PTCRA: variants seen among roughly 807,000 people sequenced by gnomAD.
PTCRA encodes the protein pre T-cell antigen receptor alpha.
In PTCRA, 9 loss-of-function variants were observed where a neutral mutation model predicts 13.4. The ratio of observed to expected loss-of-function variants is 0.67; its 90% confidence interval spans 0.41 to 1.18. PTCRA has a LOEUF of 1.18. PTCRA is among the 50% of genes most tolerant of loss of function. The probability of loss-of-function intolerance (pLI) is 0.01; values close to 1 mark genes in which losing one functional copy is unlikely to be tolerated. For synonymous variants in PTCRA, 153 were observed against 161.9 expected (o/e 0.94, Z 0.42); for missense variants, 353 against 359.8 (o/e 0.98, Z 0.15).
intron 1 of PTCRA, among the ~76,000 whole-genome samples, chr6:42,921,708 G>A (rs190690429): frequency 8.7e-5 from 12 of 138,654 alleles, no homozygotes; most frequent in African/African-American, 3.2e-4. Context: ...GAGCCACCGT[G>A]CCCGGCCAAC....
chr6:42,924,280 A>G lies in PTCRA; in HGVS notation c.424+7A>G, dbSNP rs760267885. 2 of 1,611,720 alleles carry G rather than the reference A, an allele frequency of 1.2e-6. No individual in the cohort carries two copies. Among genetic ancestry groups the G allele is most frequent in the South Asian group, 2.2e-5 (2 of 90,940 alleles). The stretch of plus-strand genomic sequence containing the variant: ...CCCCAGGAGCCTCTCAGGGGTGAGT[A>G]CTCCGGGCAAGGGGTGGGGAATAAG... On this transcript the variant is annotated splice_region_variant and intron_variant, in intron 3 of 3. Transcript: ENST00000304672.
intron 2 of PTCRA, among the ~76,000 whole-genome samples, chr6:42,924,000 C>G (rs1767310635): frequency 6.6e-6 from 1 of 152,192 alleles, no homozygotes; most frequent in East Asian, 1.9e-4. Flanking sequence ...TCCGGGCTCC[C>G]CAGCCTCCCC....
intron 1 of PTCRA, among the ~76,000 whole-genome samples, chr6:42,919,541 C>G (rs1341932975): frequency 6.6e-6 from 1 of 150,920 alleles, no homozygotes; most frequent in Non-Finnish European, 1.5e-5. Flanking sequence ...TAGTGAAACC[C>G]TATTTCTACA....
chr6:42,923,482 C>T (rs1027066511), intron 2 of PTCRA, 135 bp downstream of exon 2: 6 of 820,702 alleles, frequency 7.3e-6, no homozygotes, highest in Non-Finnish European at 1.1e-5. Context: ...GGTGAGGTGA[C>T]ACCTGGGCTC....
chr6:42,922,762 G>A (rs1767247630), intron 1 of PTCRA, among the ~76,000 whole-genome samples: 1 of 150,920 alleles, frequency 6.6e-6, no homozygotes, highest in South Asian at 2.1e-4. Context: ...AAGAAAGAAA[G>A]AATACATGGA....
At chr6:42,924,828 G>A (rs1053528728) in intron 3 of PTCRA, among the ~76,000 whole-genome samples, 3 of 151,970 alleles carry the variant, frequency 2.0e-5, no homozygotes, top group Non-Finnish European at 2.9e-5. Context: ...AAAATTAGCC[G>A]AGCGTGATGG....
At chr6:42,917,209 T>C (rs1766912042) in intron 1 of PTCRA, among the ~76,000 whole-genome samples, 1 of 134,038 alleles carries the variant, frequency 7.5e-6, no homozygotes, top group African/African-American at 3.5e-5. Context: ...TTATTATTAT[T>C]ATTATTATTA....
At chr6:42,924,102 C>T in intron 2 of PTCRA, 127 bp from the exon 3 acceptor site, 2 of 744,740 alleles carry the variant, frequency 2.7e-6, no homozygotes, top group South Asian at 1.8e-5. Flanking sequence ...GCTGCTGGCT[C>T]ACTTGTCCAT....
intron 1 of PTCRA, among the ~76,000 whole-genome samples, chr6:42,921,931 A>C (rs1449406420): frequency 2.0e-5 from 3 of 151,788 alleles, no homozygotes; most frequent in Non-Finnish European, 4.4e-5. Flanking sequence ...AGGCTGAGGC[A>C]GAAGAATGGC....
rs200220881 is a variant in PTCRA, at chr6:42,924,285, G to A, written c.424+12G>A. ...GGAGCCTCTCAGGGGTGAGTACTCC[G>A]GGCAAGGGGTGGGGAATAAGAGGCT... On this transcript the variant is annotated intron_variant, in intron 3 of 3. Coordinates refer to ENST00000304672, the MANE Select transcript of PTCRA (RefSeq NM_138296.3). 7.9e-5 allele frequency: 128 copies of A among 1,611,620 alleles called. No homozygotes were observed. The highest frequency in any genetic ancestry group is 9.7e-5 in the Non-Finnish European group (114 of 1,178,894).
rs188323810 is a variant in PTCRA at position 42,918,856 on chromosome 6, C to G, written c.58+2729C>G. Among the ~76,000 whole-genome samples, 3 of 146,606 alleles carry G rather than the reference C, an allele frequency of 2.0e-5. No homozygotes were observed. The East Asian group carries it at 6.0e-4, about 30-fold the overall frequency. ...CCAGGCTGGAGTGCAGTGGTGCAAT[C>G]TTGGCTCACTGTAAGCTCCGCCTCC... On this transcript the variant is annotated intron_variant, in intron 1 of 3. Coordinates refer to ENST00000304672, the MANE Select transcript of PTCRA (RefSeq NM_138296.3).
At chr6:42,922,583 A>G (rs1767234342) in intron 1 of PTCRA, among the ~76,000 whole-genome samples, 1 of 151,944 alleles carries the variant, frequency 6.6e-6, no homozygotes, top group African/African-American at 2.4e-5. Flanking sequence ...TAAAAATAAA[A>G]ATAAAAATTA....
rs746665812 is a variant in PTCRA, at chr6:42,925,233, C to T, written c.425-28C>T. 15 of 1,567,080 alleles carry T rather than the reference C, an allele frequency of 9.6e-6. No individual in the cohort carries two copies. Among genetic ancestry groups the T allele is most frequent in the Non-Finnish European group, 1.3e-5 (15 of 1,163,718 alleles). ...TGGGGTAGGGGGCTGCGGGCTCCTG[C>T]GGGCTCCTGAGCGGTTCCTCCTCGC... On this transcript the variant is annotated intron_variant, in intron 3 of 3. Transcript: ENST00000304672. This position sits in a 1 kb window ranked among gnomAD's most constrained non-coding sequence, Gnocchi z 4.4.
intron 1 of PTCRA, among the ~76,000 whole-genome samples, chr6:42,920,861 G>A (rs1024867503): frequency 2.0e-5 from 3 of 148,082 alleles, no homozygotes; most frequent in Admixed American, 1.4e-4. Context: ...GCAGTGACGC[G>A]ATCTCAGCTC....
At chr6:42,920,925 G>A (rs1294415661) in intron 1 of PTCRA, among the ~76,000 whole-genome samples, 1 of 151,166 alleles carries the variant, frequency 6.6e-6, no homozygotes, top group African/African-American at 2.4e-5. Context: ...CTCCAGAGTA[G>A]CTGGGACTAC....
chr6:42,916,515 G>T (rs1766884675), intron 1 of PTCRA, among the ~76,000 whole-genome samples: 1 of 152,162 alleles, frequency 6.6e-6, no homozygotes, highest in East Asian at 1.9e-4. Context: ...GATGTCATAT[G>T]GGTAACAGTG....
Position 42,925,369 on chromosome 6 carries a change from C to G in PTCRA, c.533C>G (p.Pro178Arg), listed in dbSNP as rs367893841. 2.6e-6 allele frequency: 4 copies of G among 1,556,088 alleles called. No individual in the cohort carries two copies. The Admixed American group carries it at 7.7e-5, about 30-fold the overall frequency. ...TCSCLCDPAG[P>R]LPSPATTTRL... ...AGCTGCCTGTGCGACCCCGCGGGCC[C>G]GCTGCCTTCCCCCGCAACCACCACC... is the stretch of plus-strand genomic sequence containing the variant. Residue 178 changes from proline to arginine, a missense_variant, in exon 4 of 4, where the codon CCG becomes CGG. Physicochemically the swap from Pro to Arg is moderately radical, Grantham distance 103. Transcript: ENST00000304672. This position sits in a 1 kb window ranked among gnomAD's most constrained non-coding sequence, Gnocchi z 4.4.
intron 1 of PTCRA, among the ~76,000 whole-genome samples, chr6:42,919,936 C>T (rs1224971582): frequency 6.6e-6 from 1 of 150,754 alleles, no homozygotes; most frequent in African/African-American, 2.4e-5. Context: ...GTCACAGCTA[C>T]TTGGCAGGCC....
chr6:42,924,848 G>A (rs2114135259), intron 3 of PTCRA, among the ~76,000 whole-genome samples: 1 of 152,178 alleles, frequency 6.6e-6, no homozygotes, highest in African/African-American at 2.4e-5. Context: ...GCACACGCCT[G>A]TAGTCCCAGC....
Sources: allele counts gnomAD v4.1 joint callset (sites outside exome capture counted in the v4.1 genomes callset), GRCh38; gene constraint gnomAD v4.1.1; non-coding constraint Gnocchi (gnomAD v3.1); transcripts MANE v1.5; gene names NCBI Gene and HGNC (gene_info 2026-07-23, HGNC 2026-07-21).